Variants in SLC9C1 observed in about 807,000 individuals in gnomAD.
The protein encoded by SLC9C1 is solute carrier family 9 member C1.
SLC9C1 carries 97 observed loss-of-function variants against 140.9 expected under a neutral mutation model. The ratio of observed to expected loss-of-function variants is 0.69; its 90% CI spans 0.58 to 0.82. The LOEUF (loss-of-function observed/expected upper bound fraction) is 0.82, where lower values mean the gene tolerates loss of function less well. Among genes scored for constraint, SLC9C1 ranks in the 40% least tolerant of loss-of-function variants. The pLI is 0.00. For synonymous variants in SLC9C1, 440 were observed against 442.6 expected, an observed-to-expected ratio of 0.99 and a Z score of 0.07; for missense variants, 1,340 against 1,389.3, an observed-to-expected ratio of 0.96 and a Z score of 0.56.
intron 20 of SLC9C1, among the ~76,000 whole-genome samples, chr3:112,195,464 A>C (rs2077749721): frequency 6.6e-6 from 1 of 152,136 alleles, no homozygotes; most frequent in Non-Finnish European, 1.5e-5. Flanking sequence ...ACTGATAAGA[A>C]GGAACTTACT....
intron 10 of SLC9C1, among the ~76,000 whole-genome samples, chr3:112,261,124 T>G (rs1356906627): frequency 6.6e-6 from 1 of 152,098 alleles, no homozygotes; most frequent in African/African-American, 2.4e-5. Context: ...CTCTGAAGGA[T>G]CTAACCAGGC....
Position 112,212,490 on chromosome 3 carries a change from C to A in SLC9C1, c.1791-4117G>T, listed in dbSNP as rs1299821946. On this transcript the variant is annotated intron_variant, in intron 15 of 28. Coordinates refer to ENST00000305815, the MANE Select transcript of SLC9C1 (RefSeq NM_183061.3). ...TTAGACAAATGGCTAACTAGAATAA[C>A]CAGTGTAGAGAAGTCCTTAAAGGAC... is the stretch of plus-strand genomic sequence containing the variant. 3.3e-5 allele frequency among the ~76,000 whole-genome samples: 5 copies of A among 152,202 alleles called. No homozygotes were observed. The East Asian group carries it at 9.6e-4, about 29-fold the overall frequency.
intron 1 of SLC9C1, among the ~76,000 whole-genome samples, chr3:112,293,167 A>G (rs146127704): frequency 0.027 from 4,024 of 151,758 alleles, 94 homozygotes; most frequent in Non-Finnish European, 0.036. Flanking sequence ...TGTAATCCCA[A>G]CTACTTGGGA....
intron 17 of SLC9C1, among the ~76,000 whole-genome samples, 180 bp downstream of exon 17, chr3:112,204,037 AT>A (rs1169100722): frequency 6.6e-6 from 1 of 152,000 alleles, no homozygotes; most frequent in East Asian, 1.9e-4. Context: ...TCCTAATATA[AT>A]TGGGATGTTT....
chr3:112,280,306 A>T (rs1448818317), intron 3 of SLC9C1, among the ~76,000 whole-genome samples: 1 of 152,230 alleles, frequency 6.6e-6, no homozygotes. Flanking sequence ...GTTCAATATT[A>T]TAATATTTTT....
At chr3:112,162,032 C>G (rs201548319) in intron 26 of SLC9C1, among the ~76,000 whole-genome samples, 2 of 152,114 alleles carry the variant, frequency 1.3e-5, no homozygotes, top group South Asian at 2.1e-4. Flanking sequence ...CTTTGAAGCA[C>G]TTGTGAATGG....
intron 26 of SLC9C1, among the ~76,000 whole-genome samples, chr3:112,165,709 CG>C (rs2077114248): frequency 6.6e-6 from 1 of 152,188 alleles, no homozygotes; most frequent in African/African-American, 2.4e-5. Flanking sequence ...TTAGGCTACT[CG>C]GGGGTCAGGG....
At chr3:112,251,791 C>T (rs568517597) in intron 10 of SLC9C1, among the ~76,000 whole-genome samples, 1 of 151,540 alleles carries the variant, frequency 6.6e-6, no homozygotes, top group South Asian at 2.1e-4. Context: ...TACACAGGTC[C>T]ATGATCCTGC....
At chr3:112,244,764 G>T (rs1226689510) in intron 10 of SLC9C1, among the ~76,000 whole-genome samples, 1 of 152,112 alleles carries the variant, frequency 6.6e-6, no homozygotes, top group Non-Finnish European at 1.5e-5. Flanking sequence ...CTAGTCTTCT[G>T]TTCTGTATCC....
chr3:112,217,837 C>T (rs1003208181), intron 14 of SLC9C1, among the ~76,000 whole-genome samples: 1 of 152,104 alleles, frequency 6.6e-6, no homozygotes, highest in African/African-American at 2.4e-5. Context: ...TACTATGTTT[C>T]AAATATTTGG....
At chr3:112,289,781 A>G (rs576602391) in intron 1 of SLC9C1, among the ~76,000 whole-genome samples, 1 of 152,340 alleles carries the variant, frequency 6.6e-6, no homozygotes, top group Non-Finnish European at 1.5e-5. Flanking sequence ...TTACCTAAAC[A>G]TATCAAGAAC....
At chr3:112,222,956 A>G (rs544783154) in intron 13 of SLC9C1, among the ~76,000 whole-genome samples, 26 of 152,270 alleles carry the variant, frequency 1.7e-4, no homozygotes, top group Non-Finnish European at 2.6e-4. Flanking sequence ...AACATTTACT[A>G]ATCAATTTTT....
chr3:112,249,901 C>T (rs572347900), intron 10 of SLC9C1, among the ~76,000 whole-genome samples: 3 of 151,836 alleles, frequency 2.0e-5, no homozygotes, highest in East Asian at 1.9e-4. Flanking sequence ...CTGGTTTCAT[C>T]GATGTTTTCT....
intron 7 of SLC9C1, among the ~76,000 whole-genome samples, chr3:112,268,425 T>G (rs2079981270): frequency 1.3e-5 from 2 of 152,162 alleles, no homozygotes; most frequent in African/African-American, 4.8e-5. Context: ...TTATTCAAAT[T>G]TTATATTTCT....
At chr3:112,279,691 A>C (rs186901605) in intron 3 of SLC9C1, among the ~76,000 whole-genome samples, 1 of 152,160 alleles carries the variant, frequency 6.6e-6, no homozygotes, top group East Asian at 1.9e-4. Flanking sequence ...CTAAGCTTAC[A>C]TTTCTTCTCC....
chr3:112,225,878 C>T (rs1005076606), intron 13 of SLC9C1, among the ~76,000 whole-genome samples: 4 of 151,970 alleles, frequency 2.6e-5, no homozygotes, highest in African/African-American at 4.8e-5. Flanking sequence ...AGCAAAAGGA[C>T]ATATAAATAC....
chr3:112,154,132 T>C (rs1436560899), intron 27 of SLC9C1, among the ~76,000 whole-genome samples: 2 of 152,150 alleles, frequency 1.3e-5, no homozygotes, highest in Non-Finnish European at 2.9e-5. Flanking sequence ...ATAGAACAAA[T>C]AGGCTTAATG....
chr3:112,185,062 C>G (rs1576294361), intron 20 of SLC9C1, among the ~76,000 whole-genome samples: 1 of 152,100 alleles, frequency 6.6e-6, no homozygotes, highest in South Asian at 2.1e-4. Flanking sequence ...TGTCCAGCCT[C>G]CAGCAATAGT....
intron 26 of SLC9C1, among the ~76,000 whole-genome samples, chr3:112,165,939 C>A (rs1046159700): frequency 6.6e-6 from 1 of 152,240 alleles, no homozygotes; most frequent in African/African-American, 2.4e-5. Context: ...TTCCTGGCCG[C>A]TTTGTTTACC....
Sources: allele counts gnomAD v4.1 joint callset (sites outside exome capture counted in the v4.1 genomes callset), GRCh38; gene constraint gnomAD v4.1.1; transcripts MANE v1.5; gene names NCBI Gene and HGNC (gene_info 2026-07-23, HGNC 2026-07-21).